Variants in LINGO2 observed in about 807,000 individuals in gnomAD.
LINGO2 encodes the protein leucine-rich repeat and immunoglobulin-like domain-containing nogo receptor-interacting protein 2.
In LINGO2, 14 loss-of-function variants were observed where a neutral mutation model predicts 30.6. That is an observed-to-expected ratio of 0.46 (90% confidence interval 0.30 to 0.72). The LOEUF (loss-of-function observed/expected upper bound fraction) is 0.72, where lower values mean the gene tolerates loss of function less well. Ranked by LOEUF, LINGO2 falls within the 30% of genes least tolerant of loss-of-function variation. The pLI is 0.07. For synonymous variants in LINGO2, 317 were observed against 288.5 expected (o/e 1.10, Z -1.00); for missense variants, 729 against 751.7 (o/e 0.97, Z 0.35).
chr9:29,064,716 T>A, the LINGO2 span, among the ~76,000 whole-genome samples: 1 of 152,076 alleles, frequency 6.6e-6, no homozygotes, highest in Non-Finnish European at 1.5e-5. Flanking sequence ...TTCAGGGTAT[T>A]TTTCAGCAAC....
the LINGO2 span, among the ~76,000 whole-genome samples, chr9:29,092,471 G>T: frequency 5.3e-5 from 8 of 152,104 alleles, no homozygotes; most frequent in East Asian, 1.9e-4. Context: ...AATGAAATTG[G>T]TTAATACTTA....
intron 4 of LINGO2, among the ~76,000 whole-genome samples, chr9:28,107,498 C>T (rs1347789275): frequency 6.6e-6 from 1 of 152,192 alleles, no homozygotes; most frequent in Non-Finnish European, 1.5e-5. Flanking sequence ...TTTCTTCTAC[C>T]TCTAAAAATC....
At chr9:28,303,420 T>A (rs1824222173) in intron 3 of LINGO2, among the ~76,000 whole-genome samples, 1 of 151,800 alleles carries the variant, frequency 6.6e-6, no homozygotes, top group South Asian at 2.1e-4. Flanking sequence ...CTTGAGGGAG[T>A]GACACAAAGG....
chr9:28,564,559 C>T (rs911950254), intron 1 of LINGO2, among the ~76,000 whole-genome samples: 21 of 152,188 alleles, frequency 1.4e-4, no homozygotes, highest in East Asian at 9.7e-4. Flanking sequence ...GTTGTAGTTG[C>T]GTTACTACCC....
intron 4 of LINGO2, among the ~76,000 whole-genome samples, chr9:28,289,967 C>T (rs1823657784): frequency 1.3e-5 from 2 of 152,180 alleles, no homozygotes; most frequent in Admixed American, 1.3e-4. Context: ...GCCTGAAATT[C>T]CATCATTTAT....
Position 27,948,835 on chromosome 9 carries a change from T to C in LINGO2, c.*16A>G, listed in dbSNP as rs562057432. 1.0e-5 allele frequency: 16 copies of C among 1,593,452 alleles called. No homozygotes were observed. In the East Asian group the frequency reaches 2.0e-4, roughly 20 times the overall value. On this transcript the variant is annotated 3_prime_UTR_variant, in exon 6 of 6. Transcript: ENST00000379992. Reference sequence around the variant, plus strand: ...ACCCACATTGACAAAGAGACAGTAATGTGAGGGGTGGGCCTTCAAATCATT... The same window carrying C: ...ACCCACATTGACAAAGAGACAGTAACGTGAGGGGTGGGCCTTCAAATCATT...
chr9:28,561,749 G>GTGTGTGTATATATA lies in LINGO2; in HGVS notation c.-364-85725_-364-85724insTATATATACACACA, dbSNP rs772157537. On this transcript the variant is annotated intron_variant, in intron 1 of 5. Coordinates refer to ENST00000379992, the Ensembl canonical transcript of LINGO2. Reference sequence around the variant, plus strand: ...TATATATAATTTTGTGTGTGTGTGTGTATATATATATATATATATATATAT... The same window carrying GTGTGTGTATATATA: ...TATATATAATTTTGTGTGTGTGTGTGTGTGTGTATATATATATATATATATATATATATATATAT... Among the ~76,000 whole-genome samples the GTGTGTGTATATATA allele has an allele frequency of 8.8e-4, 43 of 48,718 alleles. 5 individuals carry two copies. The highest frequency in any genetic ancestry group is 1.3e-3 in the Non-Finnish European group (35 of 27,672). The allele number at this position is 48,718 out of a possible 152,430, so 32.0% of individuals were successfully genotyped here.
chr9:27,961,867 G>A (rs1819865838), intron 5 of LINGO2, among the ~76,000 whole-genome samples: 1 of 152,234 alleles, frequency 6.6e-6, no homozygotes, highest in South Asian at 2.1e-4. Context: ...TGTGGAGGGT[G>A]TATGAGAGGA....
At chr9:28,244,154 A>T (rs1821912761) in intron 4 of LINGO2, among the ~76,000 whole-genome samples, 2 of 152,194 alleles carry the variant, frequency 1.3e-5, no homozygotes, top group Admixed American at 1.3e-4. Context: ...TCAAATTAGA[A>T]CTCAGAATTA....
At chr9:27,953,275 T>C (rs73437717) in intron 5 of LINGO2, among the ~76,000 whole-genome samples, 6,295 of 152,258 alleles carry the variant, frequency 0.041, 424 homozygotes, top group African/African-American at 0.14. Flanking sequence ...TTTTGACTTT[T>C]TTTCCTATTT....
chr9:29,131,693 A>C, the LINGO2 span, among the ~76,000 whole-genome samples: 8 of 152,088 alleles, frequency 5.3e-5, no homozygotes, highest in African/African-American at 1.9e-4. Context: ...AACCTTGAAA[A>C]GTCATCAATG....
chr9:28,583,107 A>T (rs143940663), intron 1 of LINGO2, among the ~76,000 whole-genome samples: 1 of 152,170 alleles, frequency 6.6e-6, no homozygotes, highest in East Asian at 1.9e-4. Flanking sequence ...GAAAAGATGA[A>T]ATAGCACAGA....
At chr9:28,507,985 G>T (rs1458425910) in intron 1 of LINGO2, among the ~76,000 whole-genome samples, 1 of 151,746 alleles carries the variant, frequency 6.6e-6, no homozygotes, top group Non-Finnish European at 1.5e-5. Flanking sequence ...GTCATATTTG[G>T]AAAGAAAAAA....
At chr9:28,976,592 A>C in the LINGO2 span, among the ~76,000 whole-genome samples, 2 of 152,122 alleles carry the variant, frequency 1.3e-5, no homozygotes, top group Non-Finnish European at 2.9e-5. Context: ...ACTTTGTGAC[A>C]AAAGGCACCA....
the LINGO2 span, among the ~76,000 whole-genome samples, chr9:28,883,628 G>GTGTGTGTATATATATATATA: frequency 6.2e-5 from 4 of 64,180 alleles, no homozygotes; most frequent in Non-Finnish European, 9.1e-5. Flanking sequence ...ATGTGTGTGT[G>GTGTGTGTATATATATATATA]TATATATATA....
chr9:28,368,403 C>A (rs1189640799), intron 3 of LINGO2, among the ~76,000 whole-genome samples: 1 of 152,044 alleles, frequency 6.6e-6, no homozygotes, highest in Non-Finnish European at 1.5e-5. Flanking sequence ...CTTTTGAGTT[C>A]TTTAGTCTCC....
At chr9:28,298,909 T>C (rs1382517634) in intron 3 of LINGO2, among the ~76,000 whole-genome samples, 1 of 152,212 alleles carries the variant, frequency 6.6e-6, no homozygotes, top group Non-Finnish European at 1.5e-5. Flanking sequence ...TTCTAACATG[T>C]ACAAACGCTG....
intron 4 of LINGO2, among the ~76,000 whole-genome samples, chr9:28,098,456 C>G (rs1305206368): frequency 6.6e-6 from 1 of 152,130 alleles, no homozygotes; most frequent in Non-Finnish European, 1.5e-5. Context: ...GTTTCCTAAA[C>G]CTGCACCACA....
At chr9:28,424,466 C>G (rs1242846872) in intron 2 of LINGO2, among the ~76,000 whole-genome samples, 1 of 152,082 alleles carries the variant, frequency 6.6e-6, no homozygotes, top group Admixed American at 6.6e-5. Context: ...AGTCCCCAGA[C>G]AACACAACAA....
Sources: allele counts gnomAD v4.1 joint callset (sites outside exome capture counted in the v4.1 genomes callset), GRCh38; gene constraint gnomAD v4.1.1; transcripts MANE v1.5; gene names NCBI Gene and HGNC (gene_info 2026-07-23, HGNC 2026-07-21).